SPATA6L: variants seen among roughly 807,000 people sequenced by gnomAD.
The protein encoded by SPATA6L is spermatogenesis associated 6 like, also known as spermatogenesis associated 6-like protein.
Under a neutral mutation model 49.2 loss-of-function variants are expected in SPATA6L, and 68 were observed. That is an observed-to-expected ratio of 1.38 (90% CI 1.14 to 1.69). The LOEUF (loss-of-function observed/expected upper bound fraction) is 1.69. Among genes scored for constraint, SPATA6L ranks in the 40% most tolerant of loss-of-function variants. SPATA6L has a pLI of 0.00. For synonymous variants in SPATA6L, 198 were observed against 165.7 expected, an observed-to-expected ratio of 1.19 and a Z score of -1.50; for missense variants, 668 against 464.3, an observed-to-expected ratio of 1.44 and a Z score of -4.03.
Position 4,599,069 on chromosome 9 carries a change from T to G in SPATA6L, c.*1742A>C, listed in dbSNP as rs926875131. On this transcript the variant is annotated 3_prime_UTR_variant, in exon 12 of 12. Coordinates refer to ENST00000682582, the MANE Select transcript of SPATA6L (RefSeq NM_001353486.2). ...TAGGACCCAAGTCTAAACACGAAAT[T>G]CATTTACGTTTTATATACACTTTAT... Among the ~76,000 whole-genome samples, 1 of 152,254 alleles carries G rather than the reference T, an allele frequency of 6.6e-6. No individual in the cohort carries two copies. The highest frequency in any genetic ancestry group is 2.4e-5 in the African/African-American group (1 of 41,464).
chr9:4,607,243 T>C (rs1230439050), intron 9 of SPATA6L, among the ~76,000 whole-genome samples: 1 of 151,928 alleles, frequency 6.6e-6, no homozygotes, highest in Non-Finnish European at 1.5e-5. Context: ...CAGGAGAACT[T>C]CCCCAATCTA....
intron 13 of SPATA6L, among the ~76,000 whole-genome samples, chr9:4,591,444 C>G (rs190175843): frequency 6.6e-5 from 10 of 152,110 alleles, no homozygotes; most frequent in Admixed American, 2.0e-4. Flanking sequence ...GGAAACTAGG[C>G]AGGTCTGATG....
At chr9:4,621,117 A>G (rs1406914143) in intron 7 of SPATA6L, among the ~76,000 whole-genome samples, 2 of 152,202 alleles carry the variant, frequency 1.3e-5, no homozygotes, top group Non-Finnish European at 1.5e-5. Context: ...AACAGATAGA[A>G]AGTCCAGTAC....
intron 3 of SPATA6L, among the ~76,000 whole-genome samples, chr9:4,644,181 T>G (rs1564275308): frequency 1.6e-5 from 1 of 64,362 alleles, no homozygotes; most frequent in Middle Eastern, 0.017. Context: ...ATGCCATCTC[T>G]GCAAAAAAAA....
intron 9 of SPATA6L, among the ~76,000 whole-genome samples, chr9:4,612,905 TAC>T (rs1827113182): frequency 1.3e-5 from 2 of 152,158 alleles, no homozygotes; most frequent in African/African-American, 4.8e-5. Flanking sequence ...AAGGCACAGA[TAC>T]AGTTTTCTAA....
At chr9:4,624,864 C>T (rs1218950222) in intron 6 of SPATA6L, among the ~76,000 whole-genome samples, 1 of 152,058 alleles carries the variant, frequency 6.6e-6, no homozygotes, top group African/African-American at 2.4e-5. Context: ...CTTCTTCCTA[C>T]AAATAAAACT....
chr9:4,589,185 G>A (rs1013403384), intron 13 of SPATA6L, among the ~76,000 whole-genome samples: 1 of 152,218 alleles, frequency 6.6e-6, no homozygotes. Flanking sequence ...TTTCCTCACA[G>A]GACTGCTTTC....
intron 3 of SPATA6L, among the ~76,000 whole-genome samples, chr9:4,653,116 T>C (rs937720657): frequency 2.6e-5 from 4 of 152,298 alleles, no homozygotes; most frequent in Non-Finnish European, 5.9e-5. Context: ...TTGAAATTTA[T>C]TACAAAGCTA....
intron 4 of SPATA6L, among the ~76,000 whole-genome samples, chr9:4,632,388 G>C (rs1380511032): frequency 1.3e-5 from 2 of 151,840 alleles, no homozygotes; most frequent in African/African-American, 2.4e-5. Flanking sequence ...CTGAGGTCAG[G>C]AGTTCGAGAC....
intron 9 of SPATA6L, among the ~76,000 whole-genome samples, chr9:4,614,197 C>T (rs1026381850): frequency 2.0e-5 from 3 of 152,136 alleles, no homozygotes; most frequent in Admixed American, 6.5e-5. Flanking sequence ...TGACGCTATT[C>T]AGATGGTGGA....
chr9:4,656,476 G>T (rs1838237316), intron 2 of SPATA6L, among the ~76,000 whole-genome samples: 1 of 149,652 alleles, frequency 6.7e-6, no homozygotes, highest in South Asian at 2.1e-4. Context: ...AAGGAAGGAA[G>T]GAAGGAAGGA....
Position 4,662,903 on chromosome 9 carries a change from C to G in SPATA6L, c.40-867G>C. 6.2e-7 allele frequency: 1 copy of G among 1,608,956 alleles called. No individual in the cohort carries two copies. The stretch of plus-strand genomic sequence containing the variant: ...ACCTGCTCTTCGCCCTGCTGTTGGA[C>G]CTGCTGCTGGTGGCCTTGATCAAAG... On this transcript the variant is annotated intron_variant, in intron 1 of 11. Coordinates refer to ENST00000682582, the MANE Select transcript of SPATA6L (RefSeq NM_001353486.2). The surrounding 1 kb of genome is among the most constrained non-coding windows in gnomAD (Gnocchi z 4.9).
In SPATA6L at chr9:4,662,531, C is replaced by A; in HGVS notation, c.40-495G>T. On this transcript the variant is annotated intron_variant, in intron 1 of 11. Coordinates refer to ENST00000682582, the MANE Select transcript of SPATA6L (RefSeq NM_001353486.2). The surrounding 1 kb of genome is among the most constrained non-coding windows in gnomAD (Gnocchi z 4.9). Reference sequence around the variant, plus strand: ...TCAGCAGCCGCGCCACGGCCGTGGACCCCACCTGCGCCCGGCTCCGTGCAT... The same window carrying A: ...TCAGCAGCCGCGCCACGGCCGTGGAACCCACCTGCGCCCGGCTCCGTGCAT... 6.4e-7 allele frequency: 1 copy of A among 1,567,236 alleles called. No homozygotes were observed. Among genetic ancestry groups the A allele is most frequent in the Admixed American group, 1.8e-5 (1 of 55,514 alleles).
chr9:4,650,651 G>A (rs1471249150), intron 3 of SPATA6L, among the ~76,000 whole-genome samples: 1 of 152,110 alleles, frequency 6.6e-6, no homozygotes, highest in Non-Finnish European at 1.5e-5. Flanking sequence ...TGATTTTACA[G>A]AAATAATTTT....
At chr9:4,640,918 T>C (rs1179466992) in intron 3 of SPATA6L, among the ~76,000 whole-genome samples, 1 of 152,240 alleles carries the variant, frequency 6.6e-6, no homozygotes, top group Non-Finnish European at 1.5e-5. Flanking sequence ...AGCTAGAATA[T>C]TCTGCAATCA....
chr9:4,592,455 G>A (rs551471494), intron 13 of SPATA6L, among the ~76,000 whole-genome samples: 1 of 152,222 alleles, frequency 6.6e-6, no homozygotes, highest in Admixed American at 6.5e-5. Flanking sequence ...ATCATAAAGT[G>A]GGTACTATTA....
At position 4,599,018 on chromosome 9, in the gene SPATA6L, C is replaced by T. The variant is rs1286715837; in HGVS notation, c.*1793G>A. 1.3e-5 allele frequency among the ~76,000 whole-genome samples: 2 copies of T among 152,174 alleles called. No individual in the cohort carries two copies. Among genetic ancestry groups the T allele is most frequent in the East Asian group, 3.8e-4 (2 of 5,200 alleles). On this transcript the variant is annotated 3_prime_UTR_variant, in exon 12 of 12. Transcript: ENST00000682582. ...GTATTTTGGAATATTTACATAAACA[C>T]AATGAAGTATCTTCAGGATAGGGGA...
intron 3 of SPATA6L, among the ~76,000 whole-genome samples, chr9:4,649,140 T>C (rs551871971): frequency 1.1e-4 from 17 of 152,048 alleles, no homozygotes; most frequent in Non-Finnish European, 2.2e-4. Context: ...GGCATTTGGA[T>C]TGGTTCCACA....
chr9:4,637,999 A>C (rs1482042048), intron 3 of SPATA6L, among the ~76,000 whole-genome samples: 1 of 152,188 alleles, frequency 6.6e-6, no homozygotes, highest in Non-Finnish European at 1.5e-5. Flanking sequence ...TTCATTGAGA[A>C]CCTCCTATGT....
Sources: gnomAD v4.1 joint callset for allele counts (sites outside exome capture counted in the v4.1 genomes callset) on GRCh38, gnomAD v4.1.1 for gene constraint, Gnocchi (gnomAD v3.1) non-coding constraint, MANE v1.5 for transcripts, NCBI Gene and HGNC (gene_info 2026-07-23, HGNC 2026-07-21) for gene names.